Variants in NEBL observed in about 807,000 individuals in gnomAD.
NEBL encodes the protein nebulette, also known as LIM and SH3 protein 2.
A neutral mutation model predicts 140.2 loss-of-function variants in NEBL; 122 were observed. The observed-to-expected ratio is 0.87, with a 90% confidence interval of 0.75 to 1.01. NEBL has a LOEUF of 1.01. NEBL is among the 50% of genes least tolerant of loss of function. The pLI, the probability that NEBL is intolerant of heterozygous loss-of-function variation, is 0.00. For missense variants in NEBL, 1,365 were observed against 1,231.3 expected (o/e 1.11, Z -1.62); for synonymous variants, 436 against 398.9 (o/e 1.09, Z -1.11).
chr10:20,868,211 C>A (rs373122561), intron 7 of NEBL: 2 of 155,366 alleles, frequency 1.3e-5, no homozygotes, highest in Non-Finnish European at 2.8e-5. Context: ...GATAAGACTT[C>A]AAAGTTTTCT....
chr10:20,901,642 T>A (rs529565998), upstream of NEBL, among the ~76,000 whole-genome samples: 1 of 152,242 alleles, frequency 6.6e-6, no homozygotes, highest in Admixed American at 6.5e-5. Context: ...TCAACATTTC[T>A]TATTATAAAA....
At chr10:21,192,423 ACCT>A (rs1841588248) in intron 3 of NEBL, among the ~76,000 whole-genome samples, 3 of 151,090 alleles carry the variant, frequency 2.0e-5, no homozygotes, top group Admixed American at 2.0e-4. Flanking sequence ...CAATCTCCTG[ACCT>A]CATGATCTGC....
intron 2 of NEBL, among the ~76,000 whole-genome samples, chr10:21,162,868 C>T (rs1840611710): frequency 6.6e-6 from 1 of 152,216 alleles, no homozygotes; most frequent in Non-Finnish European, 1.5e-5. Context: ...ACTCCAATGC[C>T]AGAGGGCATA....
intron 2 of NEBL, among the ~76,000 whole-genome samples, chr10:21,085,541 T>C (rs1434160679): frequency 6.6e-6 from 1 of 152,138 alleles, no homozygotes; most frequent in African/African-American, 2.4e-5. Flanking sequence ...AGACTGAGGC[T>C]GGAGGATCAT....
chr10:20,924,669 T>C (rs902630589), intron 4 of NEBL, among the ~76,000 whole-genome samples: 21 of 150,894 alleles, frequency 1.4e-4, no homozygotes, highest in Non-Finnish European at 3.0e-5. Context: ...TAAAAAAAAA[T>C]AAGGTGAGGG....
At chr10:20,827,710 G>T (rs781390516) in intron 17 of NEBL, among the ~76,000 whole-genome samples, 1 of 151,988 alleles carries the variant, frequency 6.6e-6, no homozygotes, top group Non-Finnish European at 1.5e-5. Context: ...AAGAAAATGT[G>T]GTACATATAC....
chr10:20,886,654 T>C (rs989458080), intron 4 of NEBL, among the ~76,000 whole-genome samples: 1 of 152,180 alleles, frequency 6.6e-6, no homozygotes, highest in Non-Finnish European at 1.5e-5. Flanking sequence ...AGACTGCCCA[T>C]ATTCATGTGC....
intron 14 of NEBL, among the ~76,000 whole-genome samples, chr10:20,832,679 A>G (rs1840529310): frequency 6.6e-6 from 1 of 152,114 alleles, no homozygotes; most frequent in South Asian, 2.1e-4. Context: ...ATGCTGACAC[A>G]CTCCAGATTT....
intron 12 of NEBL, among the ~76,000 whole-genome samples, chr10:20,844,877 A>G (rs894448244): frequency 4.6e-5 from 7 of 152,186 alleles, no homozygotes; most frequent in African/African-American, 1.7e-4. Flanking sequence ...AGTTGGTTCT[A>G]AAATGTTTTT....
At chr10:20,848,039 C>A (rs1842115201) in intron 11 of NEBL, among the ~76,000 whole-genome samples, 1 of 152,166 alleles carries the variant, frequency 6.6e-6, no homozygotes, top group East Asian at 1.9e-4. Context: ...AGAAGACCCA[C>A]TAAGCAAAAG....
chr10:21,201,902 C>G (rs948749569), intron 3 of NEBL, among the ~76,000 whole-genome samples: 1 of 152,250 alleles, frequency 6.6e-6, no homozygotes, highest in Non-Finnish European at 1.5e-5. Flanking sequence ...AAAATAAACT[C>G]TATCAGATTT....
chr10:20,881,012 G>A (rs911477298), intron 4 of NEBL, 108 bp from the exon 5 acceptor site: 1 of 802,612 alleles, frequency 1.2e-6, no homozygotes, highest in Non-Finnish European at 2.2e-6. Context: ...ACCACTGATA[G>A]TTAATTTGCC....
intron 2 of NEBL, among the ~76,000 whole-genome samples, chr10:21,120,093 A>G (rs1589253831): frequency 6.6e-6 from 1 of 151,968 alleles, no homozygotes; most frequent in African/African-American, 2.4e-5. Context: ...AAATTTAGCC[A>G]GGCACAGTGG....
intron 4 of NEBL, among the ~76,000 whole-genome samples, chr10:20,942,123 C>T (rs1216101861): frequency 6.6e-6 from 1 of 152,156 alleles, no homozygotes; most frequent in East Asian, 1.9e-4. Flanking sequence ...AAGAGCCCAC[C>T]TTGCCAAGTC....
chr10:21,288,260 G>T (rs1359886226), intron 1 of NEBL, among the ~76,000 whole-genome samples: 3 of 152,258 alleles, frequency 2.0e-5, no homozygotes, highest in Admixed American at 1.3e-4. Flanking sequence ...ACTAGGTCAG[G>T]AGTTCGAGAC....
chr10:20,839,565 G>C (rs1366022628), intron 13 of NEBL, among the ~76,000 whole-genome samples: 1 of 152,078 alleles, frequency 6.6e-6, no homozygotes, highest in Non-Finnish European at 1.5e-5. Context: ...TTCTACTAAA[G>C]TGCCTTTTAA....
chr10:21,198,227 C>A (rs1476092529), intron 3 of NEBL, among the ~76,000 whole-genome samples: 2 of 152,152 alleles, frequency 1.3e-5, no homozygotes, highest in African/African-American at 2.4e-5. Flanking sequence ...TGCTAGGTCA[C>A]CTTGTCCTCT....
chr10:20,920,259 T>C (rs896370077), intron 4 of NEBL, among the ~76,000 whole-genome samples: 2 of 152,190 alleles, frequency 1.3e-5, no homozygotes, highest in Non-Finnish European at 2.9e-5. Flanking sequence ...AAATGACATA[T>C]GCATTCACTT....
intron 2 of NEBL, among the ~76,000 whole-genome samples, chr10:21,045,981 C>T (rs932759668): frequency 6.8e-6 from 1 of 146,780 alleles, no homozygotes; most frequent in Non-Finnish European, 1.5e-5. Context: ...TGCCCGTCGG[C>T]AGATGAATGG....
Sources: allele counts gnomAD v4.1 joint callset (sites outside exome capture counted in the v4.1 genomes callset), GRCh38; gene constraint gnomAD v4.1.1; transcripts MANE v1.5; gene names NCBI Gene and HGNC (gene_info 2026-07-23, HGNC 2026-07-21).